RTN4: variants seen among roughly 807,000 people sequenced by gnomAD.
The protein encoded by RTN4 is reticulon-4.
RTN4 carries 32 observed loss-of-function variants against 90.4 expected under a neutral mutation model. That is an observed-to-expected ratio of 0.35 (90% CI 0.27 to 0.48). RTN4 has a LOEUF of 0.48. Among genes scored for constraint, RTN4 ranks in the 20% least tolerant of loss-of-function variants. The pLI is 0.99. For missense variants in RTN4, 1,706 were observed against 1,430.2 expected, an observed-to-expected ratio of 1.19 and a Z score of -3.11; for synonymous variants, 629 against 552.5, an observed-to-expected ratio of 1.14 and a Z score of -1.94.
chr2:55,037,640 G>A (rs1682782520), intron 1 of RTN4, among the ~76,000 whole-genome samples: 1 of 152,112 alleles, frequency 6.6e-6, no homozygotes, highest in African/African-American at 2.4e-5. Context: ...TATATCCTCT[G>A]CCAGCATCCA....
intron 3 of RTN4, among the ~76,000 whole-genome samples, chr2:54,989,061 T>C (rs1183954569): frequency 6.6e-6 from 1 of 152,228 alleles, no homozygotes; most frequent in Non-Finnish European, 1.5e-5. Context: ...TTGGTTTTGA[T>C]CCCCAAGGTC....
intron 1 of RTN4, among the ~76,000 whole-genome samples, chr2:55,086,559 G>A (rs948267771): frequency 2.6e-5 from 4 of 151,768 alleles, no homozygotes; most frequent in Admixed American, 6.6e-5. Context: ...AGTTCCAACT[G>A]CTAGGGAGGC....
intron 1 of RTN4, among the ~76,000 whole-genome samples, chr2:55,037,725 C>T (rs371386226): frequency 6.6e-6 from 1 of 152,124 alleles, no homozygotes; most frequent in Non-Finnish European, 1.5e-5. Context: ...ACTTATCCCC[C>T]CTACTAATCT....
upstream of RTN4, among the ~76,000 whole-genome samples, chr2:55,051,869 CT>C (rs1438013228): frequency 6.6e-6 from 1 of 152,030 alleles, no homozygotes; most frequent in Non-Finnish European, 1.5e-5. Flanking sequence ...TTACTTGTTC[CT>C]TTTAAAGCAG....
At chr2:55,086,674 C>G (rs1490862739) in intron 1 of RTN4, among the ~76,000 whole-genome samples, 3 of 151,760 alleles carry the variant, frequency 2.0e-5, no homozygotes, top group African/African-American at 7.3e-5. Flanking sequence ...TGTCTCTAAC[C>G]AACATAATAA....
At chr2:55,105,365 G>T (rs1256845041) in intron 1 of RTN4, among the ~76,000 whole-genome samples, 1 of 151,478 alleles carries the variant, frequency 6.6e-6, no homozygotes, top group East Asian at 1.9e-4. Flanking sequence ...GAGTAGCTGG[G>T]ATTACAGGCA....
At chr2:55,125,774 T>A in the RTN4 span, among the ~76,000 whole-genome samples, 8 of 151,622 alleles carry the variant, frequency 5.3e-5, no homozygotes, top group Non-Finnish European at 1.2e-4. Context: ...TCAAAAATTT[T>A]AAAAAAGCCA....
intron 3 of RTN4, among the ~76,000 whole-genome samples, chr2:54,993,083 A>G (rs1384771733): frequency 6.6e-6 from 1 of 151,602 alleles, no homozygotes; most frequent in Non-Finnish European, 1.5e-5. Context: ...CGGAAAAAAA[A>G]AAAAAAAAAA....
At chr2:54,982,887 G>C (rs1165951115) in intron 4 of RTN4, among the ~76,000 whole-genome samples, 2 of 152,162 alleles carry the variant, frequency 1.3e-5, no homozygotes, top group Non-Finnish European at 2.9e-5. Context: ...ATCTGGGCTT[G>C]AATCTGATGC....
chr2:55,000,153 C>A (rs1477624348), intron 3 of RTN4, among the ~76,000 whole-genome samples: 1 of 152,104 alleles, frequency 6.6e-6, no homozygotes. Context: ...ATATGTAATG[C>A]TTAGCTAAGC....
At chr2:55,081,805 T>C (rs567901247) in intron 1 of RTN4, among the ~76,000 whole-genome samples, 2 of 144,008 alleles carry the variant, frequency 1.4e-5, no homozygotes, top group South Asian at 2.2e-4. Context: ...GCAGGTTGCA[T>C]TGAGTTAAGA....
At chr2:55,119,374 A>G in the RTN4 span, among the ~76,000 whole-genome samples, 2 of 152,170 alleles carry the variant, frequency 1.3e-5, no homozygotes, top group African/African-American at 4.8e-5. Context: ...TGAATTTCTT[A>G]AAGTGGCAGG....
intron 2 of RTN4, among the ~76,000 whole-genome samples, chr2:55,072,097 T>C (rs1399072120): frequency 6.6e-6 from 1 of 151,982 alleles, no homozygotes; most frequent in Non-Finnish European, 1.5e-5. Context: ...ATGGTATGGG[T>C]GTGCCACAAT....
intron 1 of RTN4, among the ~76,000 whole-genome samples, chr2:55,083,412 C>T (rs1030391268): frequency 2.0e-5 from 3 of 152,216 alleles, no homozygotes; most frequent in East Asian, 3.9e-4. Flanking sequence ...ACGAGGATTG[C>T]TTGAGCCTGG....
At chr2:54,973,707 CCAT>C (rs1677347187) in intron 7 of RTN4, 86 bp from the exon 8 acceptor site, 2 of 1,489,226 alleles carry the variant, frequency 1.3e-6, no homozygotes, top group African/African-American at 1.4e-5. Context: ...GCTTAAGAAA[CCAT>C]CACACTTCTC....
chr2:55,025,404 C>T lies in RTN4; in HGVS notation c.2695G>A (p.Glu899Lys). ...YTDLEVSHKS[E>K]IANAPDGAGS... ...GCTCCATCCGGGGCATTAGCAATTT[C>T]ACTTTTGTGGGATACTTCTAGGTCA... The change falls in exon 3 of 9, where the codon GAA (glutamate) becomes AAA (lysine). Residue 899 changes from glutamate to lysine, a missense_variant. Transcript: ENST00000337526. The T allele has an allele frequency of 6.2e-7, 1 of 1,613,928 alleles. No homozygotes were observed. Among genetic ancestry groups the T allele is most frequent in the Non-Finnish European group, 8.5e-7 (1 of 1,179,894 alleles).
chr2:55,047,454 A>T (rs1667822428), intron 1 of RTN4, among the ~76,000 whole-genome samples: 1 of 151,984 alleles, frequency 6.6e-6, no homozygotes, highest in Non-Finnish European at 1.5e-5. Context: ...ATCTTCTAAG[A>T]CCTTTAATAT....
In RTN4 at chr2:54,973,454, A is replaced by G. The variant is rs1159685231; in HGVS notation, c.3536+109T>C. 15 of 896,200 alleles carry G rather than the reference A, an allele frequency of 1.7e-5. No individual in the cohort carries two copies. The East Asian group carries it at 2.0e-4, about 12-fold the overall frequency. The allele number at this position is 896,200 out of a possible 1,614,324, so 55.5% of individuals were successfully genotyped here. Reference sequence around the variant, plus strand: ...TTTTGGCAACTCTGAAGTCACACTTAAGGTCTGATAGAGATTTGTTACTCA... The same window carrying G: ...TTTTGGCAACTCTGAAGTCACACTTGAGGTCTGATAGAGATTTGTTACTCA... On this transcript the variant is annotated intron_variant, in intron 8 of 8. Coordinates refer to ENST00000337526, the MANE Select transcript of RTN4 (RefSeq NM_020532.5).
At chr2:54,996,197 A>G (rs116333516) in intron 3 of RTN4, among the ~76,000 whole-genome samples, 4 of 152,348 alleles carry the variant, frequency 2.6e-5, no homozygotes, top group Non-Finnish European at 4.4e-5. Context: ...GTCGAAAGAA[A>G]TTAAAGATGA....
Sources: allele counts gnomAD v4.1 joint callset (sites outside exome capture counted in the v4.1 genomes callset), GRCh38; gene constraint gnomAD v4.1.1; transcripts MANE v1.5; gene names NCBI Gene and HGNC (gene_info 2026-07-23, HGNC 2026-07-21).